HPSE2: variants seen among roughly 807,000 people sequenced by gnomAD.
HPSE2 encodes the protein heparanase 2 (inactive).
Under a neutral mutation model 60.5 loss-of-function variants are expected in HPSE2, and 38 were observed. The observed-to-expected ratio is 0.63, with a 90% CI of 0.48 to 0.82. The LOEUF (loss-of-function observed/expected upper bound fraction) is 0.82, where lower values mean the gene tolerates loss of function less well. Ranked by LOEUF, HPSE2 falls within the 40% of genes least tolerant of loss-of-function variation. HPSE2 has a pLI of 0.00. For missense variants in HPSE2, 713 were observed against 740.4 expected, an observed-to-expected ratio of 0.96 and a Z score of 0.43; for synonymous variants, 295 against 293.2, an observed-to-expected ratio of 1.01 and a Z score of -0.06.
intron 7 of HPSE2, among the ~76,000 whole-genome samples, chr10:98,621,148 A>G (rs1946063833): frequency 6.6e-6 from 1 of 152,160 alleles, no homozygotes; most frequent in South Asian, 2.1e-4. Flanking sequence ...GCCACAAATC[A>G]CAAGAAGGTA....
chr10:98,511,351 C>G (rs537995058), intron 9 of HPSE2, among the ~76,000 whole-genome samples: 1 of 152,014 alleles, frequency 6.6e-6, no homozygotes, highest in Non-Finnish European at 1.5e-5. Flanking sequence ...AGGGTTTCAC[C>G]GTGTTAGCCA....
the HPSE2 span, among the ~76,000 whole-genome samples, chr10:99,284,251 A>G: frequency 6.6e-6 from 1 of 152,220 alleles, no homozygotes; most frequent in African/African-American, 2.4e-5. Context: ...TCAATGTAAT[A>G]TGCCATATTA....
chr10:98,486,796 G>C (rs565342654), intron 10 of HPSE2, among the ~76,000 whole-genome samples: 2 of 152,084 alleles, frequency 1.3e-5, no homozygotes, highest in African/African-American at 4.8e-5. Context: ...TTTTGGGTTC[G>C]GTAAAAGCCA....
chr10:99,292,326 T>A, the HPSE2 span, among the ~76,000 whole-genome samples: 1 of 152,240 alleles, frequency 6.6e-6, no homozygotes, highest in Non-Finnish European at 1.5e-5. Flanking sequence ...ATGTTCTGAA[T>A]GTCTACTAGT....
chr10:99,313,676 T>C, the HPSE2 span, among the ~76,000 whole-genome samples: 3 of 132,848 alleles, frequency 2.3e-5, no homozygotes, highest in Admixed American at 8.9e-5. Context: ...CTCAGCTCAC[T>C]GCAACCTCCA....
At chr10:98,537,923 C>T (rs538171804) in intron 9 of HPSE2, among the ~76,000 whole-genome samples, 21 of 152,326 alleles carry the variant, frequency 1.4e-4, no homozygotes, top group Admixed American at 3.3e-4. Flanking sequence ...TAGTAGATAG[C>T]GGTAGAAGAA....
At chr10:99,071,118 G>A (rs759907570) in intron 3 of HPSE2, among the ~76,000 whole-genome samples, 17 of 145,374 alleles carry the variant, frequency 1.2e-4, no homozygotes, top group Non-Finnish European at 2.4e-4. Flanking sequence ...CACCCAGGCT[G>A]AAGTGCAGAG....
chr10:99,250,072 G>A, the HPSE2 span, among the ~76,000 whole-genome samples: 1 of 151,744 alleles, frequency 6.6e-6, no homozygotes, highest in African/African-American at 2.4e-5. Context: ...GAAACCGGAA[G>A]GTGGAGGTCA....
chr10:99,039,552 T>G (rs1279594608), intron 3 of HPSE2, among the ~76,000 whole-genome samples: 4 of 150,444 alleles, frequency 2.7e-5, no homozygotes, highest in South Asian at 2.1e-4. Flanking sequence ...TAACATCATA[T>G]TATAATATAT....
chr10:99,166,187 GT>G lies in HPSE2; in HGVS notation c.449-21789del, dbSNP rs760022803. Among the ~76,000 whole-genome samples the G allele has an allele frequency of 4.9e-3, 751 of 152,184 alleles. 8 individuals carry two copies. Among genetic ancestry groups the G allele is most frequent in the Non-Finnish European group, 7.2e-3 (489 of 68,014 alleles). On this transcript the variant is annotated intron_variant, in intron 2 of 11. Transcript: ENST00000370552. ...TATTCCATTGAATGGCTGTACTATA[GT>G]TTGTTTAACCATTCACCCACTGAAG... is the stretch of plus-strand genomic sequence containing the variant.
intron 3 of HPSE2, among the ~76,000 whole-genome samples, chr10:98,764,865 AT>A (rs1950085770): frequency 6.6e-6 from 1 of 152,180 alleles, no homozygotes; most frequent in Non-Finnish European, 1.5e-5. Flanking sequence ...AGACTCCGTC[AT>A]AAAAAACAAA....
At chr10:99,102,978 T>C (rs1254363566) in intron 3 of HPSE2, among the ~76,000 whole-genome samples, 2 of 152,220 alleles carry the variant, frequency 1.3e-5, no homozygotes, top group Non-Finnish European at 2.9e-5. Flanking sequence ...TGATGGGACG[T>C]ATCTCAAAAT....
intron 3 of HPSE2, among the ~76,000 whole-genome samples, chr10:98,949,381 C>G (rs1434363173): frequency 6.6e-6 from 1 of 152,052 alleles, no homozygotes; most frequent in Non-Finnish European, 1.5e-5. Flanking sequence ...TATGGCATTT[C>G]TCACACCAGA....
rs182297576 is a variant in HPSE2 at position 98,769,287 on chromosome 10, C to T, written c.611-25231G>A. 2.0e-5 allele frequency among the ~76,000 whole-genome samples: 3 copies of T among 152,210 alleles called. No individual in the cohort carries two copies. In the East Asian group the frequency reaches 5.8e-4, roughly 29 times the overall value. ...GTGACCATAAAAAACACCCTCTTTCCATATATGTGTCTTGAAAGTCTGAAT... is the reference window on the plus strand; with the variant it reads ...GTGACCATAAAAAACACCCTCTTTCTATATATGTGTCTTGAAAGTCTGAAT... On this transcript the variant is annotated intron_variant, in intron 3 of 11. Coordinates refer to ENST00000370552, the MANE Select transcript of HPSE2 (RefSeq NM_021828.5).
At chr10:98,540,042 T>C (rs1336741433) in intron 9 of HPSE2, among the ~76,000 whole-genome samples, 1 of 152,228 alleles carries the variant, frequency 6.6e-6, no homozygotes, top group Non-Finnish European at 1.5e-5. Flanking sequence ...TTACACATTC[T>C]GGGTCTCAAT....
Position 99,187,867 on chromosome 10 carries a change from T to C in HPSE2, c.449-43468A>G, listed in dbSNP as rs570672446. ...AGTTAAACATATACCTACTACACAA[T>C]CCATGAAAACCACTCCTAGGTATTT... On this transcript the variant is annotated intron_variant, in intron 2 of 11. Coordinates refer to ENST00000370552, the MANE Select transcript of HPSE2 (RefSeq NM_021828.5). 2.2e-4 allele frequency among the ~76,000 whole-genome samples: 34 copies of C among 152,230 alleles called. 2 individuals are homozygous for C. In the South Asian group the frequency reaches 5.4e-3, roughly 24 times the overall value.
intron 9 of HPSE2, among the ~76,000 whole-genome samples, chr10:98,560,775 GCCTAATGA>G (rs1944150275): frequency 6.6e-6 from 1 of 152,176 alleles, no homozygotes; most frequent in Admixed American, 6.5e-5. Flanking sequence ...AATTGCTATT[GCCTAATGA>G]CATCATAGCC....
At chr10:98,838,540 T>A (rs976209079) in intron 3 of HPSE2, among the ~76,000 whole-genome samples, 2 of 151,598 alleles carry the variant, frequency 1.3e-5, no homozygotes, top group African/African-American at 4.8e-5. Flanking sequence ...TCCCCCTGCA[T>A]CAGTCCCCCG....
intron 9 of HPSE2, among the ~76,000 whole-genome samples, chr10:98,608,198 C>T (rs1945648604): frequency 6.6e-6 from 1 of 152,178 alleles, no homozygotes; most frequent in Non-Finnish European, 1.5e-5. Context: ...TTAAGCAGTA[C>T]ATTCAAATAC....
Sources: gnomAD v4.1 joint callset for allele counts (sites outside exome capture counted in the v4.1 genomes callset) on GRCh38, gnomAD v4.1.1 for gene constraint, MANE v1.5 for transcripts, NCBI Gene and HGNC (gene_info 2026-07-23, HGNC 2026-07-21) for gene names.